ELMO1: variants seen among roughly 807,000 people sequenced by gnomAD.
ELMO1 encodes the protein engulfment and cell motility 1, also known as engulfment and cell motility protein 1.
A neutral mutation model predicts 98.9 loss-of-function variants in ELMO1; 26 were observed. That is an observed-to-expected ratio of 0.26 (90% CI 0.19 to 0.36). The LOEUF (loss-of-function observed/expected upper bound fraction) is 0.36, where lower values mean the gene tolerates loss of function less well. ELMO1 is among the 10% of genes least tolerant of loss of function. ELMO1 has a pLI of 1.00. For missense variants in ELMO1, 627 were observed against 935.2 expected (o/e 0.67, Z 4.30); for synonymous variants, 346 against 346.0 (o/e 1.00, Z 0.00).
intron 15 of ELMO1, among the ~76,000 whole-genome samples, chr7:37,040,707 A>G (rs181937603): frequency 3.9e-5 from 6 of 152,322 alleles, no homozygotes; most frequent in Admixed American, 3.3e-4. Flanking sequence ...TAGCTGCCTC[A>G]TCAGCTATAT....
At chr7:37,186,081 T>C (rs1584779284) in intron 13 of ELMO1, among the ~76,000 whole-genome samples, 2 of 152,194 alleles carry the variant, frequency 1.3e-5, no homozygotes, top group African/African-American at 4.8e-5. Context: ...AAAGTTTCCA[T>C]AATCAAGACA....
In ELMO1 at chr7:36,855,107, T is replaced by G; in HGVS notation, c.*444A>C. The G allele has an allele frequency of 4.9e-6, 1 of 202,184 alleles. No homozygotes were observed. The highest frequency in any genetic ancestry group is 1.0e-5 in the Non-Finnish European group (1 of 97,636). 12.5% of individuals were successfully genotyped at this position (202,184 alleles called of 1,614,324 possible). Reference sequence around the variant, plus strand: ...GAGAGGGGAAAGGAGGATGTGGGGTTTGGTCTTCTCATCAAATAGCTAGGC... The same window carrying G: ...GAGAGGGGAAAGGAGGATGTGGGGTGTGGTCTTCTCATCAAATAGCTAGGC... On this transcript the variant is annotated 3_prime_UTR_variant, in exon 22 of 22. Coordinates refer to ENST00000310758, the MANE Select transcript of ELMO1 (RefSeq NM_014800.11). This position sits in a 1 kb window ranked among gnomAD's most constrained non-coding sequence, Gnocchi z 4.2.
intron 2 of ELMO1, among the ~76,000 whole-genome samples, chr7:37,333,296 G>A (rs1330056636): frequency 6.6e-6 from 1 of 152,176 alleles, no homozygotes; most frequent in African/African-American, 2.4e-5. Flanking sequence ...AGGAAAATAA[G>A]CACAAAGTGT....
chr7:36,937,887 C>G (rs953231155), intron 16 of ELMO1, among the ~76,000 whole-genome samples: 9 of 152,244 alleles, frequency 5.9e-5, no homozygotes, highest in African/African-American at 2.2e-4. Flanking sequence ...TGCTAACACT[C>G]TCTAGTGGCC....
At chr7:37,209,589 T>A (rs186097094) in intron 13 of ELMO1, among the ~76,000 whole-genome samples, 39 of 152,320 alleles carry the variant, frequency 2.6e-4, no homozygotes, top group African/African-American at 9.4e-4. Flanking sequence ...CTTGGTAATT[T>A]TGATATGACT....
intron 13 of ELMO1, among the ~76,000 whole-genome samples, chr7:37,165,407 C>G (rs984625635): frequency 3.3e-5 from 5 of 151,924 alleles, no homozygotes; most frequent in African/African-American, 1.2e-4. Flanking sequence ...GCATCCCTGT[C>G]TTGTGCCAGT....
At chr7:36,857,074 T>C (rs569450811) in intron 21 of ELMO1, among the ~76,000 whole-genome samples, 64 of 152,340 alleles carry the variant, frequency 4.2e-4, no homozygotes, top group African/African-American at 1.5e-3. Context: ...CGGTCCTCCT[T>C]TTTAAGCTGA....
Position 36,861,644 on chromosome 7 carries a change from C to G in ELMO1, c.1983+15G>C. On this transcript the variant is annotated intron_variant, in intron 21 of 21. Transcript: ENST00000310758. ...ATAACATTATCTCATAAATTATCACCCCCGAGACCCTTACCTCATGCTTGT... is the reference window on the plus strand; with the variant it reads ...ATAACATTATCTCATAAATTATCACGCCCGAGACCCTTACCTCATGCTTGT... 6.2e-7 allele frequency: 1 copy of G among 1,609,086 alleles called. No individual in the cohort carries two copies. Among genetic ancestry groups the G allele is most frequent in the South Asian group, 1.1e-5 (1 of 90,658 alleles).
intron 18 of ELMO1, among the ~76,000 whole-genome samples, chr7:36,884,469 T>A (rs1016410506): frequency 1.1e-4 from 17 of 152,180 alleles, no homozygotes; most frequent in African/African-American, 3.9e-4. Context: ...GAACTAACAT[T>A]ATCCCCATTT....
rs537955599 is a variant in ELMO1 at position 37,231,994 on chromosome 7, A to G, written c.549+1101T>C. 3.3e-5 allele frequency among the ~76,000 whole-genome samples: 5 copies of G among 152,192 alleles called. No homozygotes were observed. In the South Asian group the frequency reaches 6.2e-4, roughly 19 times the overall value. ...CAACCTCCCAAGTAGGCGGGATTAC[A>G]GGCTCCCACCACTGCGCCCGGCTAA... On this transcript the variant is annotated intron_variant, in intron 8 of 21. Transcript: ENST00000310758.
intron 16 of ELMO1, among the ~76,000 whole-genome samples, chr7:36,939,864 A>G (rs1786876993): frequency 6.6e-6 from 1 of 152,252 alleles, no homozygotes; most frequent in Non-Finnish European, 1.5e-5. Flanking sequence ...ATAAGAAAAC[A>G]AATTTCCTGT....
rs141860461 is a variant in ELMO1, at chr7:37,389,403, G to A, written c.-73-46640C>T. 6.9e-3 allele frequency among the ~76,000 whole-genome samples: 1,048 copies of A among 152,318 alleles called. 16 individuals are homozygous for A. The highest frequency in any genetic ancestry group is 0.024 in the African/African-American group (988 of 41,554). ...GTTCAAAAGGATTTTTTGTTAAGCAGTCTTGGTAATGTTTTTAAAAGTCTA... is the reference window on the plus strand; with the variant it reads ...GTTCAAAAGGATTTTTTGTTAAGCAATCTTGGTAATGTTTTTAAAAGTCTA... On this transcript the variant is annotated intron_variant, in intron 1 of 21. Coordinates refer to ENST00000310758, the MANE Select transcript of ELMO1 (RefSeq NM_014800.11).
At chr7:37,123,503 A>C (rs150750458) in intron 14 of ELMO1, among the ~76,000 whole-genome samples, 2,717 of 152,312 alleles carry the variant, frequency 0.018, 88 homozygotes, top group Non-Finnish European at 0.022. Context: ...AGAATACTAT[A>C]AACACCTCTA....
intron 1 of ELMO1, among the ~76,000 whole-genome samples, chr7:37,353,855 C>T (rs536417575): frequency 6.6e-6 from 1 of 152,316 alleles, no homozygotes; most frequent in South Asian, 2.1e-4. Context: ...CACAAAAGTT[C>T]TCCAAGTCCC....
chr7:37,208,120 A>T (rs1324499363), intron 13 of ELMO1, among the ~76,000 whole-genome samples: 1 of 152,196 alleles, frequency 6.6e-6, no homozygotes, highest in Non-Finnish European at 1.5e-5. Context: ...GCTGCAGATG[A>T]TTTCTATGAT....
chr7:37,194,527 G>A (rs1356819688), intron 13 of ELMO1, among the ~76,000 whole-genome samples: 1 of 152,148 alleles, frequency 6.6e-6, no homozygotes, highest in Non-Finnish European at 1.5e-5. Flanking sequence ...TACCACCGAA[G>A]TGAAATCCTC....
chr7:36,953,809 TC>T (rs1788199566), intron 16 of ELMO1, among the ~76,000 whole-genome samples: 1 of 151,366 alleles, frequency 6.6e-6, no homozygotes. Context: ...TCTTCCCTGC[TC>T]CAGTTCTGGT....
chr7:37,201,357 C>G (rs1164046516), intron 13 of ELMO1, among the ~76,000 whole-genome samples: 1 of 152,198 alleles, frequency 6.6e-6, no homozygotes, highest in Non-Finnish European at 1.5e-5. Flanking sequence ...CATAGACTTT[C>G]CATTTCCAGT....
At chr7:37,173,716 A>G (rs1384002612) in intron 13 of ELMO1, among the ~76,000 whole-genome samples, 2 of 152,236 alleles carry the variant, frequency 1.3e-5, no homozygotes, top group Non-Finnish European at 2.9e-5. Flanking sequence ...GTTAAGCTCA[A>G]AACTTATATA....
Sources: allele counts gnomAD v4.1 joint callset (sites outside exome capture counted in the v4.1 genomes callset), GRCh38; gene constraint gnomAD v4.1.1; non-coding constraint Gnocchi (gnomAD v3.1); transcripts MANE v1.5; gene names NCBI Gene and HGNC (gene_info 2026-07-23, HGNC 2026-07-21).